CA4: variants seen among roughly 807,000 people sequenced by gnomAD.
The protein encoded by CA4 is CA-IV.
Under a neutral mutation model 34.5 loss-of-function variants are expected in CA4, and 24 were observed. The ratio of observed to expected loss-of-function variants is 0.70; its 90% CI spans 0.50 to 0.98. The LOEUF is 0.98. CA4 is among the 50% of genes least tolerant of loss of function. The probability of loss-of-function intolerance (pLI) is 0.00; values close to 1 mark genes in which losing one functional copy is unlikely to be tolerated. For synonymous variants in CA4, 178 were observed against 170.6 expected (o/e 1.04, Z -0.34); for missense variants, 394 against 396.7 (o/e 0.99, Z 0.06).
chr17:60,174,355 C>G (rs1326258146), downstream of CA4, among the ~76,000 whole-genome samples: 1 of 152,104 alleles, frequency 6.6e-6, no homozygotes, highest in Non-Finnish European at 1.5e-5. Context: ...CACTTCTAAA[C>G]TGGATACTTT....
chr17:60,162,387 G>GA (rs2083801348), downstream of CA4, among the ~76,000 whole-genome samples: 1 of 152,142 alleles, frequency 6.6e-6, no homozygotes, highest in African/African-American at 2.4e-5. Flanking sequence ...CCCTGGGGAT[G>GA]GTGGCTCTGA....
intron 2 of CA4, among the ~76,000 whole-genome samples, chr17:60,155,600 A>G (rs971602550): frequency 3.3e-5 from 5 of 151,114 alleles, no homozygotes; most frequent in Admixed American, 2.0e-4. Context: ...CACACACAAC[A>G]CACACACAAG....
chr17:60,150,152 C>G, intron 1 of CA4, 60 bp downstream of exon 1: 2 of 1,387,052 alleles, frequency 1.4e-6, no homozygotes, highest in Non-Finnish European at 1.0e-6. Flanking sequence ...GCCCCCAGCT[C>G]CCGCCCCTGC....
intron 2 of CA4, among the ~76,000 whole-genome samples, chr17:60,156,357 G>C (rs2083683656): frequency 6.6e-6 from 1 of 152,176 alleles, no homozygotes; most frequent in South Asian, 2.1e-4. Context: ...TTGCATGTAT[G>C]TTTCTGTGGA....
chr17:60,150,105 G>C lies in CA4; in HGVS notation c.58+13G>C. On this transcript the variant is annotated intron_variant, in intron 1 of 7. Transcript: ENST00000300900. ...TCGGCCAGTGCAGGTGAGCTCCCGG[G>C]CTCCGGCCCCAGGTGCCCCTCGGCG... 2 of 1,593,116 alleles carry C rather than the reference G, an allele frequency of 1.3e-6. No individual in the cohort carries two copies. Among genetic ancestry groups the C allele is most frequent in the South Asian group, 2.2e-5 (2 of 90,332 alleles).
chr17:60,159,355 G>GCTGCCCTGGGCCCTGCCTGCC lies in CA4; in HGVS notation c.875_895dup (p.Pro292_Leu298dup). 1 of 1,610,548 alleles carries GCTGCCCTGGGCCCTGCCTGCC rather than the reference G, an allele frequency of 6.2e-7. No homozygotes were observed. Among genetic ancestry groups the GCTGCCCTGGGCCCTGCCTGCC allele is most frequent in the East Asian group, 2.2e-5 (1 of 44,766 alleles). On this transcript the variant is annotated inframe_insertion, in exon 8 of 8. Transcript: ENST00000300900. ...TAAAGTCCGGGGCCCCGGGTCGGCC[G>GCTGCCCTGGGCCCTGCCTGCC]CTGCCCTGGGCCCTGCCTGCCCTGC...
chr17:60,164,001 C>T (rs367837224), downstream of CA4, among the ~76,000 whole-genome samples: 37 of 151,944 alleles, frequency 2.4e-4, no homozygotes, highest in African/African-American at 4.3e-4. Flanking sequence ...CGTGGTGGCA[C>T]GCCTATGGTC....
chr17:60,174,023 T>C (rs918392590), downstream of CA4, among the ~76,000 whole-genome samples: 2 of 152,226 alleles, frequency 1.3e-5, no homozygotes, highest in African/African-American at 4.8e-5. Context: ...TATTGTTATA[T>C]TATGCCTGTA....
intron 1 of CA4, among the ~76,000 whole-genome samples, chr17:60,152,359 C>T (rs1475864322): frequency 6.6e-6 from 1 of 152,174 alleles, no homozygotes; most frequent in Non-Finnish European, 1.5e-5. Context: ...CTGGCCTTGA[C>T]CTCACCACCA....
rs201580764 is a variant in CA4 at position 60,159,408 on chromosome 17, C to A, written c.923C>A (p.Ala308Asp). The A allele has an allele frequency of 6.5e-5, 104 of 1,612,022 alleles. No homozygotes were observed. In the East Asian group the frequency reaches 1.2e-3, roughly 19 times the overall value. The change falls in exon 8 of 8, where the codon GCC becomes GAC. Residue 308 changes from alanine to aspartate, a missense_variant. By Grantham distance (126) the Ala-to-Asp change is moderately radical. Transcript: ENST00000300900. ...LLGPMLACLL[A>D]GFLR ...GGCCCCATGCTGGCCTGCCTGCTGG[C>A]CGGCTTCCTGCGATGATGGCTCACT...
intron 5 of CA4, among the ~76,000 whole-genome samples, chr17:60,164,891 G>A (rs1319145210): frequency 2.0e-5 from 3 of 151,972 alleles, no homozygotes; most frequent in Non-Finnish European, 2.9e-5. Context: ...GACTCACACC[G>A]GCCTGGGGTG....
At chr17:60,176,608 TC>T in the CA4 span, among the ~76,000 whole-genome samples, 1 of 152,104 alleles carries the variant, frequency 6.6e-6, no homozygotes, top group Admixed American at 6.5e-5. Context: ...TAGGCACCAA[TC>T]CTCAGTTTAC....
intron 1 of CA4, among the ~76,000 whole-genome samples, chr17:60,154,271 AG>A (rs551199116): frequency 2.0e-4 from 30 of 151,704 alleles, no homozygotes; most frequent in African/African-American, 7.3e-4. Context: ...GGAGGGAAGG[AG>A]TTGTCGATGG....
At chr17:60,150,194 T>C in intron 1 of CA4, 102 bp downstream of exon 1, 14 of 1,013,282 alleles carry the variant, frequency 1.4e-5, no homozygotes, top group Non-Finnish European at 1.8e-5. Context: ...CCGGTGAGCG[T>C]CGGTGGCGCT....
chr17:60,168,588 A>G (rs1276949396), intron 5 of CA4, among the ~76,000 whole-genome samples: 1 of 149,282 alleles, frequency 6.7e-6, no homozygotes, highest in Non-Finnish European at 1.5e-5. Flanking sequence ...GAGGTGGGGA[A>G]GGTGATTTTG....
intron 7 of CA4, chr17:60,158,972 A>G (rs917634068): frequency 6.3e-5 from 35 of 555,150 alleles, no homozygotes; most frequent in Admixed American, 3.1e-5. Flanking sequence ...AGTAAGAGTG[A>G]CAAGAGAAGC....
chr17:60,164,100 C>T (rs565748797), downstream of CA4, among the ~76,000 whole-genome samples: 4 of 151,596 alleles, frequency 2.6e-5, no homozygotes, highest in African/African-American at 7.2e-5. Flanking sequence ...CAGAGAGGGA[C>T]CCTGTCTCAA....
At chr17:60,176,948 C>A in the CA4 span, among the ~76,000 whole-genome samples, 1 of 152,132 alleles carries the variant, frequency 6.6e-6, no homozygotes, top group African/African-American at 2.4e-5. Context: ...CTAACAGAGG[C>A]AGAGCTCAGG....
intron 7 of CA4, chr17:60,158,921 T>A (rs1382846226): frequency 1.1e-5 from 5 of 466,644 alleles, no homozygotes; most frequent in African/African-American, 9.8e-5. Flanking sequence ...GCCCCCCAGC[T>A]GATGCTAACG....
Sources: gnomAD v4.1 joint callset for allele counts (sites outside exome capture counted in the v4.1 genomes callset) on GRCh38, gnomAD v4.1.1 for gene constraint, MANE v1.5 for transcripts, NCBI Gene and HGNC (gene_info 2026-07-23, HGNC 2026-07-21) for gene names.